SNRPN: variants seen among roughly 807,000 people sequenced by gnomAD.
The protein encoded by SNRPN is small nuclear ribonucleoprotein-associated protein N.
A neutral mutation model predicts 25.2 loss-of-function variants in SNRPN; 7 were observed. That is an observed-to-expected ratio of 0.28 (90% CI 0.16 to 0.52). The LOEUF (loss-of-function observed/expected upper bound fraction) is 0.52. Ranked by LOEUF, SNRPN falls within the 20% of genes least tolerant of loss-of-function variation. SNRPN has a pLI of 0.96. For synonymous variants in SNRPN, 124 were observed against 110.6 expected (o/e 1.12, Z -0.76); for missense variants, 196 against 322.5 (o/e 0.61, Z 3.00).
In SNRPN at chr15:24,978,496, A is replaced by G. The variant is rs1566979892; in HGVS notation, c.*52A>G. ...TTTTCCCCTGCAATGCGTCTTGTGA[A>G]ATTGTGTAGAGTGTTTGTGAGCTTT... On this transcript the variant is annotated 3_prime_UTR_variant, in exon 10 of 10. Coordinates refer to ENST00000390687, the MANE Select transcript of SNRPN (RefSeq NM_003097.6). The G allele has an allele frequency of 1.3e-6, 2 of 1,518,338 alleles. No homozygotes were observed. Among genetic ancestry groups the G allele is most frequent in the Non-Finnish European group, 1.8e-6 (2 of 1,094,954 alleles). 94.1% of individuals were successfully genotyped at this position (1,518,338 alleles called of 1,614,324 possible).
chr15:24,927,127 T>G (rs1566921079), intron 3 of SNRPN, among the ~76,000 whole-genome samples: 1 of 152,052 alleles, frequency 6.6e-6, no homozygotes, highest in Non-Finnish European at 1.5e-5. Context: ...CTCCCCCTTT[T>G]CTTTTTTTTT....
At chr15:24,841,538 A>C (rs753954761) in intron 2 of SNRPN, among the ~76,000 whole-genome samples, 2 of 152,154 alleles carry the variant, frequency 1.3e-5, no homozygotes, top group Non-Finnish European at 1.5e-5. Context: ...GTATCCAAGC[A>C]CCTGAGAAAA....
chr15:24,852,708 G>A (rs2052981375), upstream of SNRPN, among the ~76,000 whole-genome samples: 1 of 152,154 alleles, frequency 6.6e-6, no homozygotes, highest in Admixed American at 6.6e-5. Flanking sequence ...ATTGAATCCA[G>A]CAATTCAGCA....
At chr15:24,866,627 T>G (rs1214354914) in intron 1 of SNRPN, among the ~76,000 whole-genome samples, 1 of 152,116 alleles carries the variant, frequency 6.6e-6, no homozygotes, top group East Asian at 1.9e-4. Context: ...GTACAATAGA[T>G]CTCTTGAAAT....
chr15:24,837,591 G>C (rs183861548), intron 2 of SNRPN, among the ~76,000 whole-genome samples: 41 of 151,814 alleles, frequency 2.7e-4, no homozygotes, highest in South Asian at 1.2e-3. Flanking sequence ...GGATGGTCTC[G>C]ATCTCCTGAC....
At chr15:24,933,064 C>A (rs1460062645) in intron 3 of SNRPN, among the ~76,000 whole-genome samples, 1 of 152,050 alleles carries the variant, frequency 6.6e-6, no homozygotes, top group Non-Finnish European at 1.5e-5. Context: ...GAGTTTGAGA[C>A]CAGCCTGGGC....
At chr15:24,934,048 A>G (rs899478657) in intron 3 of SNRPN, among the ~76,000 whole-genome samples, 1 of 152,108 alleles carries the variant, frequency 6.6e-6, no homozygotes, top group Non-Finnish European at 1.5e-5. Context: ...CTGTAATCCC[A>G]TCACTTTGGG....
chr15:24,891,947 C>A (rs1342657692), intron 2 of SNRPN, among the ~76,000 whole-genome samples: 1 of 152,092 alleles, frequency 6.6e-6, no homozygotes, highest in African/African-American at 2.4e-5. Context: ...ATATTTTCTC[C>A]ATTTCATATT....
intron 1 of SNRPN, among the ~76,000 whole-genome samples, chr15:24,882,567 C>A (rs906831021): frequency 6.6e-6 from 1 of 152,038 alleles, no homozygotes; most frequent in Non-Finnish European, 1.5e-5. Flanking sequence ...TGGCTTACGC[C>A]TGTAATTCCA....
intron 2 of SNRPN, among the ~76,000 whole-genome samples, chr15:24,836,547 G>A (rs1406838079): frequency 6.6e-6 from 1 of 151,932 alleles, no homozygotes; most frequent in East Asian, 1.9e-4. Context: ...GAGTAGCTGG[G>A]ACTATAGGCG....
At chr15:24,972,717 G>T (rs541338758) in intron 3 of SNRPN, among the ~76,000 whole-genome samples, 2 of 152,016 alleles carry the variant, frequency 1.3e-5, no homozygotes, top group Non-Finnish European at 2.9e-5. Context: ...GGCTAGATTT[G>T]GTTGCCATAT....
chr15:24,940,444 C>T (rs1174402200), intron 3 of SNRPN, among the ~76,000 whole-genome samples: 5 of 152,124 alleles, frequency 3.3e-5, no homozygotes, highest in African/African-American at 1.2e-4. Context: ...TTTCCCAGTA[C>T]CACGTGTTGA....
chr15:24,881,035 C>T (rs1342308530), intron 1 of SNRPN, among the ~76,000 whole-genome samples: 5 of 152,078 alleles, frequency 3.3e-5, no homozygotes, highest in African/African-American at 1.2e-4. Context: ...TAATGACGGT[C>T]CATGCAGGCT....
chr15:24,916,991 C>A (rs896281536), intron 2 of SNRPN, among the ~76,000 whole-genome samples: 16 of 152,274 alleles, frequency 1.1e-4, no homozygotes, highest in Admixed American at 6.5e-4. Context: ...CCTTATTTGT[C>A]CCCACCCATA....
chr15:24,862,171 G>A (rs1326513762), intron 1 of SNRPN, among the ~76,000 whole-genome samples: 1 of 151,078 alleles, frequency 6.6e-6, no homozygotes, highest in East Asian at 1.9e-4. Context: ...AAATAGACTA[G>A]AAATGATGAA....
intron 2 of SNRPN, among the ~76,000 whole-genome samples, chr15:24,890,162 C>T (rs1250993329): frequency 6.6e-6 from 1 of 152,020 alleles, no homozygotes; most frequent in Admixed American, 6.6e-5. Flanking sequence ...CTCTGATTTG[C>T]TCCCACTTTT....
chr15:24,878,835 TTTCTG>T (rs2056287543), intron 1 of SNRPN, among the ~76,000 whole-genome samples: 1 of 152,132 alleles, frequency 6.6e-6, no homozygotes, highest in Non-Finnish European at 1.5e-5. Context: ...ACTTTAATCA[TTTCTG>T]TATTGTCCTT....
intron 2 of SNRPN, among the ~76,000 whole-genome samples, chr15:24,962,808 T>C (rs1210968084): frequency 6.6e-6 from 1 of 152,214 alleles, no homozygotes; most frequent in Non-Finnish European, 1.5e-5. Context: ...ATTGAAACTT[T>C]GGCATTTTGT....
intron 3 of SNRPN, among the ~76,000 whole-genome samples, chr15:24,948,074 G>A (rs1236133726): frequency 2.0e-5 from 3 of 151,820 alleles, no homozygotes; most frequent in Admixed American, 6.6e-5. Context: ...CAATGTAATC[G>A]AAAACTCAAA....
Sources: allele counts gnomAD v4.1 joint callset (sites outside exome capture counted in the v4.1 genomes callset), GRCh38; gene constraint gnomAD v4.1.1; transcripts MANE v1.5; gene names NCBI Gene and HGNC (gene_info 2026-07-23, HGNC 2026-07-21).